The following VKORC1L1 variants were observed in gnomAD, a reference collection of about 807,000 sequenced individuals.
The protein encoded by VKORC1L1 is vitamin K epoxide reductase complex subunit 1L1.
VKORC1L1 carries 2 observed loss-of-function variants against 18.9 expected under a neutral mutation model. That is an observed-to-expected ratio of 0.11 (90% CI 0.04 to 0.33). The LOEUF is 0.33. Ranked by LOEUF, VKORC1L1 falls within the 10% of genes least tolerant of loss-of-function variation. The pLI is 1.00. For synonymous variants in VKORC1L1, 96 were observed against 100.0 expected (o/e 0.96, Z 0.24); for missense variants, 123 against 224.1 (o/e 0.55, Z 2.88).
chr7:65,873,237 C>CGCG lies in VKORC1L1; in HGVS notation c.-118_-116dup, dbSNP rs950125917. The CGCG allele has an allele frequency of 6.1e-4, 585 of 964,346 alleles. No homozygotes were observed. Among genetic ancestry groups the CGCG allele is most frequent in the Middle Eastern group, 2.1e-3 (4 of 1,902 alleles). 59.7% of individuals were successfully genotyped at this position (964,346 alleles called of 1,614,324 possible). On this transcript the variant is annotated 5_prime_UTR_variant, in exon 1 of 3. Coordinates refer to ENST00000360768, the MANE Select transcript of VKORC1L1 (RefSeq NM_173517.6). ...GGAGCAGGCCACCGAGCCAATGGGG[C>CGCG]GCGGCGGCGGCGGCGGCGGTGGTGG...
At chr7:65,904,726 G>A (rs1049424109) in intron 1 of VKORC1L1, among the ~76,000 whole-genome samples, 2 of 152,142 alleles carry the variant, frequency 1.3e-5, no homozygotes, top group African/African-American at 2.4e-5. Flanking sequence ...CAGATGGGAT[G>A]AATAGAAAAA....
chr7:65,906,511 G>A (rs942933696), intron 1 of VKORC1L1, among the ~76,000 whole-genome samples: 2 of 152,158 alleles, frequency 1.3e-5, no homozygotes, highest in Non-Finnish European at 2.9e-5. Flanking sequence ...ACCCCCAAAG[G>A]TGGAGAACTG....
At chr7:65,868,339 T>C (rs1788687393), upstream of VKORC1L1, among the ~76,000 whole-genome samples, 1 of 152,032 alleles carries the variant, frequency 6.6e-6, no homozygotes, top group African/African-American at 2.4e-5. Flanking sequence ...TTGGTGAGGA[T>C]TCAGAGAAAA....
intron 1 of VKORC1L1, among the ~76,000 whole-genome samples, chr7:65,914,660 T>C (rs770654876): frequency 1.3e-5 from 2 of 152,182 alleles, no homozygotes; most frequent in Non-Finnish European, 2.9e-5. Flanking sequence ...CACCCCTATA[T>C]TGTTTTATTA....
At chr7:65,893,289 T>TC (rs1346975942) in intron 1 of VKORC1L1, among the ~76,000 whole-genome samples, 4 of 152,212 alleles carry the variant, frequency 2.6e-5, no homozygotes, top group Non-Finnish European at 5.9e-5. Context: ...ATACCTGTAA[T>TC]CCATCAGTTT....
At chr7:65,917,163 C>T (rs1789602627) in intron 1 of VKORC1L1, among the ~76,000 whole-genome samples, 1 of 152,104 alleles carries the variant, frequency 6.6e-6, no homozygotes, top group Non-Finnish European at 1.5e-5. Flanking sequence ...GTTACTTTCT[C>T]ACAACTCTTT....
chr7:65,946,971 A>C, intron 1 of VKORC1L1, among the ~76,000 whole-genome samples: 1 of 151,474 alleles, frequency 6.6e-6, no homozygotes. Context: ...GCAACTCTAT[A>C]AAAAAATACC....
chr7:65,938,840 A>G (rs1268266766), intron 1 of VKORC1L1, among the ~76,000 whole-genome samples: 1 of 152,126 alleles, frequency 6.6e-6, no homozygotes, highest in Non-Finnish European at 1.5e-5. Flanking sequence ...GCCCTTCTGA[A>G]CCATGGGGAA....
At chr7:65,897,414 A>G (rs564121818) in intron 1 of VKORC1L1, among the ~76,000 whole-genome samples, 4 of 152,358 alleles carry the variant, frequency 2.6e-5, no homozygotes, top group South Asian at 2.1e-4. Flanking sequence ...GAGCAGTTGA[A>G]TAATATCCAT....
intron 1 of VKORC1L1, among the ~76,000 whole-genome samples, chr7:65,946,495 G>A (rs1161550663): frequency 6.6e-6 from 1 of 151,992 alleles, no homozygotes; most frequent in African/African-American, 2.4e-5. Context: ...AGAGTCTTAG[G>A]CCCCACCACA....
intron 1 of VKORC1L1, among the ~76,000 whole-genome samples, chr7:65,933,668 ATTCAGACCATTTACTTT>A (rs1328519933): frequency 6.6e-6 from 1 of 152,132 alleles, no homozygotes; most frequent in Admixed American, 6.5e-5. Flanking sequence ...TTATTGGTAT[ATTCAGACCATTTACTTT>A]TAATGTAATT....
At chr7:65,900,186 G>A (rs774013432) in intron 1 of VKORC1L1, among the ~76,000 whole-genome samples, 2 of 151,008 alleles carry the variant, frequency 1.3e-5, no homozygotes, top group Non-Finnish European at 1.5e-5. Context: ...TCAGGAGATC[G>A]AGACAATCCT....
intron 1 of VKORC1L1, among the ~76,000 whole-genome samples, chr7:65,898,834 C>G (rs1433335850): frequency 6.6e-6 from 1 of 152,168 alleles, no homozygotes; most frequent in Non-Finnish European, 1.5e-5. Context: ...AATACTTCCC[C>G]TACCCTTGGC....
intron 1 of VKORC1L1, among the ~76,000 whole-genome samples, chr7:65,929,668 GTA>G (rs1562650641): frequency 2.1e-4 from 16 of 77,078 alleles, no homozygotes; most frequent in East Asian, 4.5e-4. Flanking sequence ...GTGTGTGTGT[GTA>G]TGTGTGTGTG....
intron 1 of VKORC1L1, among the ~76,000 whole-genome samples, chr7:65,885,914 T>C (rs1387183810): frequency 6.6e-6 from 1 of 152,234 alleles, no homozygotes; most frequent in Non-Finnish European, 1.5e-5. Flanking sequence ...CCCACTGAGA[T>C]TTTGATTAGA....
At chr7:65,947,549 A>G (rs1385053773) in intron 1 of VKORC1L1, among the ~76,000 whole-genome samples, 1 of 152,214 alleles carries the variant, frequency 6.6e-6, no homozygotes, top group Non-Finnish European at 1.5e-5. Context: ...ACAATTTAAA[A>G]AAAATCAGGT....
At chr7:65,886,839 GTT>G (rs56234924) in intron 1 of VKORC1L1, among the ~76,000 whole-genome samples, 8 of 58,622 alleles carry the variant, frequency 1.4e-4, no homozygotes, top group Admixed American at 2.4e-4. Context: ...GCCTGTCCGA[GTT>G]TTTTTTTTTT....
At chr7:65,880,682 C>T (rs1279843548) in intron 1 of VKORC1L1, among the ~76,000 whole-genome samples, 3 of 152,058 alleles carry the variant, frequency 2.0e-5, no homozygotes, top group Non-Finnish European at 4.4e-5. Flanking sequence ...TTCATTTCCT[C>T]AATCATTAGG....
At chr7:65,947,585 G>C (rs1790143228) in intron 1 of VKORC1L1, among the ~76,000 whole-genome samples, 2 of 151,946 alleles carry the variant, frequency 1.3e-5, no homozygotes, top group African/African-American at 2.4e-5. Context: ...TCAAATGCAA[G>C]ATTTAAAGTT....
Sources: allele counts gnomAD v4.1 joint callset (sites outside exome capture counted in the v4.1 genomes callset), GRCh38; gene constraint gnomAD v4.1.1; transcripts MANE v1.5; gene names NCBI Gene and HGNC (gene_info 2026-07-23, HGNC 2026-07-21).